ROPN1L: variants seen among roughly 807,000 people sequenced by gnomAD.
The protein encoded by ROPN1L is rhophilin associated tail protein 1 like, also known as ropporin-1-like protein.
In ROPN1L, 23 loss-of-function variants were observed where a neutral mutation model predicts 22.7. The ratio of observed to expected loss-of-function variants is 1.01; its 90% CI spans 0.73 to 1.43. ROPN1L has a LOEUF of 1.43. ROPN1L is among the 40% of genes most tolerant of loss of function. The pLI is 0.00. For synonymous variants in ROPN1L, 116 were observed against 117.8 expected (o/e 0.98, Z 0.10); for missense variants, 271 against 291.5 (o/e 0.93, Z 0.51).
intron 4 of ROPN1L, among the ~76,000 whole-genome samples, chr5:10,463,882 C>A (rs1579659176): frequency 6.6e-6 from 1 of 152,314 alleles, no homozygotes; most frequent in African/African-American, 2.4e-5. Flanking sequence ...AGCACACACC[C>A]CTGCTCGCCT....
chr5:10,450,761 C>T (rs1741227732), intron 3 of ROPN1L, among the ~76,000 whole-genome samples: 1 of 152,186 alleles, frequency 6.6e-6, no homozygotes, highest in Non-Finnish European at 1.5e-5. Flanking sequence ...ACCTTGGCCT[C>T]CCAAAGTGTT....
At chr5:10,460,683 C>G (rs1017857056) in intron 3 of ROPN1L, among the ~76,000 whole-genome samples, 2 of 152,238 alleles carry the variant, frequency 1.3e-5, no homozygotes, top group African/African-American at 4.8e-5. Context: ...AGAGCCCGGA[C>G]AGAGCCCTCC....
intron 4 of ROPN1L, 83 bp downstream of exon 4, chr5:10,461,442 TCA>T: frequency 8.0e-7 from 1 of 1,247,594 alleles, no homozygotes; most frequent in Non-Finnish European, 1.1e-6. Flanking sequence ...AGGGAAAAAC[TCA>T]GTTTTTCCTT....
intron 3 of ROPN1L, among the ~76,000 whole-genome samples, chr5:10,454,201 A>T (rs1402018583): frequency 2.0e-5 from 3 of 151,848 alleles, no homozygotes; most frequent in Admixed American, 6.6e-5. Flanking sequence ...GTCATAGCTC[A>T]CTGCAGCCTC....
intron 2 of ROPN1L, among the ~76,000 whole-genome samples, chr5:10,448,992 A>G (rs1406240612): frequency 6.6e-6 from 1 of 152,244 alleles, no homozygotes; most frequent in African/African-American, 2.4e-5. Flanking sequence ...TAAAAGAGAC[A>G]CCAGTGGCAT....
chr5:10,467,424 C>T (rs1220011919), downstream of ROPN1L, among the ~76,000 whole-genome samples: 1 of 152,110 alleles, frequency 6.6e-6, no homozygotes, highest in Non-Finnish European at 1.5e-5. Context: ...AACAAAACCA[C>T]GGGATCACAG....
In ROPN1L at chr5:10,464,865, G is replaced by A. The variant is rs1423597983; in HGVS notation, c.611G>A (p.Gly204Asp). 6.2e-7 allele frequency: 1 copy of A among 1,600,788 alleles called. No homozygotes were observed. The highest frequency in any genetic ancestry group is 8.5e-7 in the Non-Finnish European group (1 of 1,174,920). Residue 204 changes from glycine to aspartate, a missense_variant, in exon 5 of 5, where the codon GGC becomes GAC. By Grantham distance (94) the Gly-to-Asp change is moderately conservative (BLOSUM62 -1). Coordinates refer to ENST00000274134, the MANE Select transcript of ROPN1L (RefSeq NM_031916.5). ...LKENIDARKNGMIGLSDFFFP... is the reference protein window; with the variant it reads ...LKENIDARKNDMIGLSDFFFP... ...CAATTTAGAGACGCCAGGAAGAACGGCATGATAGGTCTTTCAGATTTCTTC... is the reference window on the plus strand; with the variant it reads ...CAATTTAGAGACGCCAGGAAGAACGACATGATAGGTCTTTCAGATTTCTTC...
the ROPN1L span, among the ~76,000 whole-genome samples, chr5:10,479,830 T>C: frequency 6.6e-6 from 1 of 152,138 alleles, no homozygotes; most frequent in Non-Finnish European, 1.5e-5. Context: ...ACGCAACCTC[T>C]GCCTCCTGAA....
At chr5:10,481,462 A>G in the ROPN1L span, among the ~76,000 whole-genome samples, 1 of 152,082 alleles carries the variant, frequency 6.6e-6, no homozygotes, top group Non-Finnish European at 1.5e-5. Flanking sequence ...CCAATAGAGG[A>G]GGTGTCTGGG....
downstream of ROPN1L, among the ~76,000 whole-genome samples, chr5:10,466,666 G>A (rs1343019418): frequency 6.6e-6 from 1 of 152,210 alleles, no homozygotes; most frequent in Non-Finnish European, 1.5e-5. Context: ...GTCCCTGCTG[G>A]TGAACAAGTC....
At chr5:10,480,445 G>T in the ROPN1L span, among the ~76,000 whole-genome samples, 24 of 152,230 alleles carry the variant, frequency 1.6e-4, no homozygotes, top group African/African-American at 5.5e-4. Context: ...AGGATCCCCT[G>T]GGAGGCACAG....
intron 3 of ROPN1L, among the ~76,000 whole-genome samples, chr5:10,453,244 T>C (rs1490872284): frequency 6.6e-6 from 1 of 152,094 alleles, no homozygotes; most frequent in Admixed American, 6.5e-5. Context: ...CTGGGGTCCA[T>C]GTCTGCTGCC....
Position 10,443,134 on chromosome 5 carries a change from C to A in ROPN1L, c.131+836C>A, listed in dbSNP as rs192260198. On this transcript the variant is annotated intron_variant, in intron 1 of 4. Coordinates refer to ENST00000274134, the MANE Select transcript of ROPN1L (RefSeq NM_031916.5). ...CTTTGGGAGGCCAAGCTGGGAGGAT[C>A]ACTTGAGCCCAAGAGTTTGAGACCA... Among the ~76,000 whole-genome samples, 281 of 151,944 alleles carry A rather than the reference C, an allele frequency of 1.8e-3. 1 individual carries two copies. The highest frequency in any genetic ancestry group is 2.9e-3 in the Non-Finnish European group (199 of 67,990).
intron 3 of ROPN1L, among the ~76,000 whole-genome samples, chr5:10,458,369 C>T (rs571437113): frequency 9.9e-5 from 15 of 152,008 alleles, no homozygotes; most frequent in Admixed American, 6.5e-4. Context: ...ACCTCGGCAA[C>T]CTCGTGGGGC....
intron 3 of ROPN1L, among the ~76,000 whole-genome samples, chr5:10,456,653 C>T (rs1441812305): frequency 6.6e-6 from 1 of 152,176 alleles, no homozygotes; most frequent in Non-Finnish European, 1.5e-5. Context: ...ACCCACAGGC[C>T]TTTGGAATTG....
At chr5:10,459,066 T>C (rs989206969) in intron 3 of ROPN1L, among the ~76,000 whole-genome samples, 10 of 150,678 alleles carry the variant, frequency 6.6e-5, no homozygotes, top group African/African-American at 2.4e-4. Context: ...CCAGTTCCAC[T>C]GGGCGCCTGA....
chr5:10,454,098 G>T (rs991968163), intron 3 of ROPN1L, among the ~76,000 whole-genome samples: 1 of 151,684 alleles, frequency 6.6e-6, no homozygotes, highest in Non-Finnish European at 1.5e-5. Context: ...ATGGTGAAAT[G>T]ACCATATTTG....
At chr5:10,458,255 C>T (rs1734890095) in intron 3 of ROPN1L, among the ~76,000 whole-genome samples, 1 of 151,956 alleles carries the variant, frequency 6.6e-6, no homozygotes, top group Non-Finnish European at 1.5e-5. Context: ...TGCTTTTCTT[C>T]ACTCACCAGC....
intron 3 of ROPN1L, among the ~76,000 whole-genome samples, chr5:10,454,576 C>G (rs541479409): frequency 2.0e-5 from 3 of 152,024 alleles, no homozygotes; most frequent in Non-Finnish European, 4.4e-5. Flanking sequence ...CATACTGACA[C>G]TGACAGAGTC....
Sources: allele counts gnomAD v4.1 joint callset (sites outside exome capture counted in the v4.1 genomes callset), GRCh38; gene constraint gnomAD v4.1.1; transcripts MANE v1.5; gene names NCBI Gene and HGNC (gene_info 2026-07-23, HGNC 2026-07-21).